Variants in TMC1 observed in about 807,000 individuals in gnomAD.
TMC1 encodes the protein transmembrane channel-like protein 1.
A neutral mutation model predicts 105.8 loss-of-function variants in TMC1; 84 were observed. The ratio of observed to expected loss-of-function variants is 0.79; its 90% CI spans 0.67 to 0.95. The LOEUF (loss-of-function observed/expected upper bound fraction) is 0.95. Ranked by LOEUF, TMC1 falls within the 40% of genes least tolerant of loss-of-function variation. TMC1 has a pLI of 0.00. For synonymous variants in TMC1, 315 were observed against 311.5 expected (o/e 1.01, Z -0.12); for missense variants, 817 against 914.1 (o/e 0.89, Z 1.37).
intron 21 of TMC1, among the ~76,000 whole-genome samples, chr9:72,827,961 T>C (rs1828982812): frequency 6.6e-6 from 1 of 152,116 alleles, no homozygotes; most frequent in Admixed American, 6.5e-5. Flanking sequence ...CCACATAAAG[T>C]AGTGAGGGCA....
intron 2 of TMC1, among the ~76,000 whole-genome samples, chr9:72,590,273 A>G (rs893384760): frequency 2.0e-5 from 3 of 152,244 alleles, no homozygotes; most frequent in Non-Finnish European, 4.4e-5. Context: ...GACAGCCATA[A>G]GCTTCATTTC....
intron 1 of TMC1, among the ~76,000 whole-genome samples, chr9:72,529,480 T>C (rs1823461788): frequency 6.6e-6 from 1 of 152,120 alleles, no homozygotes; most frequent in East Asian, 1.9e-4. Flanking sequence ...GTAATAAACC[T>C]GCACGCATAA....
At chr9:72,648,733 C>T in intron 5 of TMC1, 69 bp downstream of exon 5, 3 of 1,429,454 alleles carry the variant, frequency 2.1e-6, no homozygotes, top group East Asian at 2.3e-5. Context: ...TATTTGAAAA[C>T]TTTGGAAAGT....
At chr9:72,544,672 G>A (rs1188171016) in intron 1 of TMC1, among the ~76,000 whole-genome samples, 1 of 151,360 alleles carries the variant, frequency 6.6e-6, no homozygotes, top group Non-Finnish European at 1.5e-5. Flanking sequence ...TAGAAATGGG[G>A]TTTTGCCGTG....
chr9:72,598,304 C>G (rs540193080), intron 2 of TMC1, among the ~76,000 whole-genome samples: 2 of 152,290 alleles, frequency 1.3e-5, no homozygotes, highest in South Asian at 2.1e-4. Flanking sequence ...TCTCATCCCT[C>G]CCTGCCTACC....
chr9:72,585,849 T>C (rs1824547118), intron 2 of TMC1, among the ~76,000 whole-genome samples: 1 of 151,886 alleles, frequency 6.6e-6, no homozygotes, highest in African/African-American at 2.4e-5. Context: ...GGATGGGGCG[T>C]AGATGGAGAA....
intron 18 of TMC1, among the ~76,000 whole-genome samples, chr9:72,813,081 G>C (rs971193691): frequency 2.6e-5 from 4 of 152,112 alleles, no homozygotes; most frequent in African/African-American, 9.7e-5. Context: ...GGAATGAGCA[G>C]TCATTAGTGA....
chr9:72,706,419 A>T (rs974155032), intron 8 of TMC1, among the ~76,000 whole-genome samples: 1 of 152,172 alleles, frequency 6.6e-6, no homozygotes, highest in East Asian at 1.9e-4. Context: ...TTTGGGGAAC[A>T]GGTGGTATTT....
chr9:72,537,251 A>G (rs559629464), intron 1 of TMC1, among the ~76,000 whole-genome samples: 3 of 152,258 alleles, frequency 2.0e-5, no homozygotes, highest in South Asian at 2.1e-4. Context: ...AGCAGCCTCA[A>G]AGGTTTCTGA....
chr9:72,584,784 C>CTTTTTTTTTTTTTTTTTTTTTTTTTT (rs71357591), intron 2 of TMC1, among the ~76,000 whole-genome samples: 2 of 113,006 alleles, frequency 1.8e-5, no homozygotes, highest in African/African-American at 3.5e-5. Context: ...CTTTTCTTTT[C>CTTTTTTTTTTTTTTTTTTTTTTTTTT]TTTTTTTTTT....
At chr9:72,553,431 C>G (rs1228683003) in intron 1 of TMC1, among the ~76,000 whole-genome samples, 1 of 152,122 alleles carries the variant, frequency 6.6e-6, no homozygotes. Context: ...TTAACTTTTA[C>G]TCTATTTAAA....
In TMC1 at chr9:72,836,072, T is replaced by C. The variant is rs1164659190; in HGVS notation, c.*99T>C. The C allele has an allele frequency of 7.3e-7, 1 of 1,378,622 alleles. No individual in the cohort carries two copies. Among genetic ancestry groups the C allele is most frequent in the Admixed American group, 1.7e-5 (1 of 59,760 alleles). The allele number at this position is 1,378,622 out of a possible 1,614,324, so 85.4% of individuals were successfully genotyped here. Reference sequence around the variant, plus strand: ...GAGAACAAGCACTGTGGAACTGCTATTTTCCTGTTCTACCCTTGATGGATT... The same window carrying C: ...GAGAACAAGCACTGTGGAACTGCTACTTTCCTGTTCTACCCTTGATGGATT... On this transcript the variant is annotated 3_prime_UTR_variant, in exon 24 of 24. Transcript: ENST00000297784.
chr9:72,649,739 T>A (rs1825770327), intron 5 of TMC1, among the ~76,000 whole-genome samples: 1 of 152,144 alleles, frequency 6.6e-6, no homozygotes, highest in South Asian at 2.1e-4. Context: ...TGGTTTTTCA[T>A]TAGTAAGAAC....
intron 2 of TMC1, among the ~76,000 whole-genome samples, chr9:72,591,119 C>T (rs186895686): frequency 1.8e-3 from 279 of 152,246 alleles, no homozygotes; most frequent in Non-Finnish European, 3.3e-3. Flanking sequence ...GGGAGGGGTG[C>T]GTGGCTTTAA....
chr9:72,584,441 A>C (rs1824521327), intron 2 of TMC1, among the ~76,000 whole-genome samples: 1 of 151,774 alleles, frequency 6.6e-6, no homozygotes. Flanking sequence ...AATTTCTTTT[A>C]TTTTTTGTGG....
chr9:72,556,593 T>G (rs997554453), intron 1 of TMC1, among the ~76,000 whole-genome samples: 4 of 150,826 alleles, frequency 2.7e-5, no homozygotes, highest in Non-Finnish European at 4.4e-5. Context: ...CCGAGACGGG[T>G]GGATCACTTG....
At chr9:72,703,508 C>T (rs1158138053) in intron 8 of TMC1, among the ~76,000 whole-genome samples, 1 of 152,206 alleles carries the variant, frequency 6.6e-6, no homozygotes, top group Non-Finnish European at 1.5e-5. Context: ...TACATTCTTC[C>T]ATCACAGTAA....
At chr9:72,545,927 A>G (rs1344175296) in intron 1 of TMC1, among the ~76,000 whole-genome samples, 3 of 150,274 alleles carry the variant, frequency 2.0e-5, no homozygotes, top group Non-Finnish European at 4.4e-5. Context: ...GTCATCGCTC[A>G]AAAAAGTTCA....
At chr9:72,561,317 C>CAAAA (rs375862130) in intron 1 of TMC1, among the ~76,000 whole-genome samples, 66 of 76,288 alleles carry the variant, frequency 8.7e-4, no homozygotes, top group Middle Eastern at 0.01. Flanking sequence ...GACTCCGTCT[C>CAAAA]AAAAAAAAAA....
Sources: gnomAD v4.1 joint callset for allele counts (sites outside exome capture counted in the v4.1 genomes callset) on GRCh38, gnomAD v4.1.1 for gene constraint, MANE v1.5 for transcripts, NCBI Gene and HGNC (gene_info 2026-07-23, HGNC 2026-07-21) for gene names.